GALNT17: variants seen among roughly 807,000 people sequenced by gnomAD.
GALNT17 encodes the protein polypeptide N-acetylgalactosaminyltransferase 17.
Under a neutral mutation model 63.7 loss-of-function variants are expected in GALNT17, and 29 were observed. That is an observed-to-expected ratio of 0.46 (90% CI 0.34 to 0.62). The LOEUF (loss-of-function observed/expected upper bound fraction) is 0.62. Among genes scored for constraint, GALNT17 ranks in the 20% least tolerant of loss-of-function variants. The pLI is 0.01. For missense variants in GALNT17, 603 were observed against 799.6 expected (o/e 0.75, Z 2.97); for synonymous variants, 305 against 318.3 (o/e 0.96, Z 0.45).
intron 1 of GALNT17, among the ~76,000 whole-genome samples, chr7:71,308,560 A>G (rs1791351905): frequency 6.6e-6 from 1 of 151,994 alleles, no homozygotes; most frequent in Non-Finnish European, 1.5e-5. Flanking sequence ...GCTCCTCTGG[A>G]ATTGTCTGTC....
At chr7:71,337,321 A>G (rs1208627529) in intron 2 of GALNT17, among the ~76,000 whole-genome samples, 1 of 151,922 alleles carries the variant, frequency 6.6e-6, no homozygotes, top group Non-Finnish European at 1.5e-5. Flanking sequence ...ATATTTTTTC[A>G]CTCATATCTT....
chr7:71,298,711 GGTGTGTGTGTGT>G (rs10602909), intron 1 of GALNT17, among the ~76,000 whole-genome samples: 3 of 141,592 alleles, frequency 2.1e-5, no homozygotes, highest in Non-Finnish European at 4.7e-5. Flanking sequence ...ATTCCAGTGG[GGTGTGTGTGTGT>G]GTGTGTGTGT....
At chr7:71,654,685 AAATCTTTAACT>A (rs369106327) in intron 6 of GALNT17, among the ~76,000 whole-genome samples, 70,466 of 152,116 alleles carry the variant, frequency 0.46, 18,865 homozygotes, top group East Asian at 0.74. Flanking sequence ...GACAGTGGTG[AAATCTTTAACT>A]TCAGGTATCT....
At chr7:71,303,833 T>A (rs1053920243) in intron 1 of GALNT17, among the ~76,000 whole-genome samples, 1 of 152,186 alleles carries the variant, frequency 6.6e-6, no homozygotes, top group African/African-American at 2.4e-5. Context: ...TTTCTGGAAG[T>A]CTGACAGCAA....
chr7:71,397,972 TTGTTG>T (rs869075958), intron 3 of GALNT17, among the ~76,000 whole-genome samples: 1 of 151,502 alleles, frequency 6.6e-6, no homozygotes, highest in Non-Finnish European at 1.5e-5. Context: ...GTTGTTGTTG[TTGTTG>T]TTTTAGAAGA....
At chr7:71,233,605 A>C (rs1232593411) in intron 1 of GALNT17, among the ~76,000 whole-genome samples, 1 of 152,178 alleles carries the variant, frequency 6.6e-6, no homozygotes, top group Non-Finnish European at 1.5e-5. Context: ...GCCTATATTC[A>C]GGACAAGGGG....
At position 71,680,703 on chromosome 7, in the gene GALNT17, TTC is replaced by T. The variant is rs201972063; in HGVS notation, c.1500+3398_1500+3399del. ...TTTGTTTCCTTTCCTTTCCTTTCTT[TTC>T]CTTCCTTCCTTCCTCCCTCTCTCCC... On this transcript the variant is annotated intron_variant, in intron 9 of 10. Transcript: ENST00000333538. Among the ~76,000 whole-genome samples the T allele has an allele frequency of 1.1e-3, 31 of 29,464 alleles. 3 individuals are homozygous for T. Among genetic ancestry groups the T allele is most frequent in the South Asian group, 5.7e-3 (2 of 350 alleles). The allele number at this position is 29,464 out of a possible 152,430, so 19.3% of individuals were successfully genotyped here.
At chr7:71,425,611 T>G (rs1786745453) in intron 5 of GALNT17, among the ~76,000 whole-genome samples, 3 of 152,114 alleles carry the variant, frequency 2.0e-5, no homozygotes, top group Admixed American at 2.0e-4. Flanking sequence ...CTTCAAAACT[T>G]CAAGGCCCCA....
intron 5 of GALNT17, among the ~76,000 whole-genome samples, chr7:71,521,865 T>A (rs1397152369): frequency 1.3e-5 from 2 of 152,142 alleles, no homozygotes; most frequent in African/African-American, 4.8e-5. Context: ...GGTGAGTGAG[T>A]GCTTTCATAA....
Position 71,150,580 on chromosome 7 carries a change from G to A in GALNT17, c.238+17540G>A, listed in dbSNP as rs560220331. On this transcript the variant is annotated intron_variant, in intron 1 of 10. Coordinates refer to ENST00000333538, the MANE Select transcript of GALNT17 (RefSeq NM_022479.3). ...GGCTGGAGTGCAGTGGTGCGACCTC[G>A]GCTCACTGCAAGCTCCGCCTCCCAG... Among the ~76,000 whole-genome samples, 193 of 149,230 alleles carry A rather than the reference G, an allele frequency of 1.3e-3. 1 individual carries two copies. Among genetic ancestry groups the A allele is most frequent in the African/African-American group, 4.5e-3 (182 of 40,428 alleles).
intron 1 of GALNT17, among the ~76,000 whole-genome samples, chr7:71,251,658 C>G (rs1223289527): frequency 6.6e-6 from 1 of 152,286 alleles, no homozygotes; most frequent in Middle Eastern, 3.4e-3. Flanking sequence ...GTGATCCTCT[C>G]TTCCCGGAGT....
intron 6 of GALNT17, among the ~76,000 whole-genome samples, chr7:71,592,604 T>TAAAATA (rs373519391): frequency 1.6e-4 from 23 of 147,038 alleles, no homozygotes; most frequent in Non-Finnish European, 2.3e-4. Context: ...TAAAATAAAA[T>TAAAATA]AAATAAAGCA....
intron 8 of GALNT17, among the ~76,000 whole-genome samples, chr7:71,676,198 C>T (rs779322028): frequency 6.6e-6 from 1 of 152,118 alleles, no homozygotes; most frequent in South Asian, 2.1e-4. Context: ...TTCTCACATG[C>T]TCCCAAAGAC....
intron 5 of GALNT17, among the ~76,000 whole-genome samples, chr7:71,526,140 T>C (rs1584026024): frequency 6.6e-6 from 1 of 152,208 alleles, no homozygotes; most frequent in African/African-American, 2.4e-5. Flanking sequence ...AGCCACAAGT[T>C]CTTTTTAGTC....
chr7:71,170,327 ATTAT>A lies in GALNT17; in HGVS notation c.238+37310_238+37313del, dbSNP rs560724309. On this transcript the variant is annotated intron_variant, in intron 1 of 10. Coordinates refer to ENST00000333538, the MANE Select transcript of GALNT17 (RefSeq NM_022479.3). ...TTTAAAAGTTGAAGCTTTATTTTTT[ATTAT>A]TTATTTATTTATTTATTTATTTGAG... 2.5e-4 allele frequency among the ~76,000 whole-genome samples: 38 copies of A among 151,596 alleles called. 1 individual carries two copies. The highest frequency in any genetic ancestry group is 8.5e-4 in the African/African-American group (35 of 41,404).
At chr7:71,458,452 A>G (rs73700992) in intron 5 of GALNT17, among the ~76,000 whole-genome samples, 2,063 of 152,264 alleles carry the variant, frequency 0.014, 41 homozygotes, top group African/African-American at 0.047. Context: ...CCAAAGCCCT[A>G]TTGGGCATGT....
At chr7:71,370,360 A>G (rs1471740616) in intron 2 of GALNT17, among the ~76,000 whole-genome samples, 1 of 152,176 alleles carries the variant, frequency 6.6e-6, no homozygotes, top group Non-Finnish European at 1.5e-5. Context: ...GTGCAGTGGC[A>G]GCATCATGGC....
chr7:71,447,934 G>A (rs1787188643), intron 5 of GALNT17, among the ~76,000 whole-genome samples: 1 of 152,174 alleles, frequency 6.6e-6, no homozygotes, highest in African/African-American at 2.4e-5. Flanking sequence ...CTGCCCTCTA[G>A]CAGTGATCCT....
intron 5 of GALNT17, among the ~76,000 whole-genome samples, chr7:71,450,807 G>A (rs1583965018): frequency 2.0e-5 from 3 of 152,272 alleles, no homozygotes; most frequent in East Asian, 1.9e-4. Flanking sequence ...CTTTCAAGGC[G>A]TGTGTGCTGG....
Sources: allele counts gnomAD v4.1 joint callset (sites outside exome capture counted in the v4.1 genomes callset), GRCh38; gene constraint gnomAD v4.1.1; transcripts MANE v1.5; gene names NCBI Gene and HGNC (gene_info 2026-07-23, HGNC 2026-07-21).